DCDC2C: variants seen among roughly 807,000 people sequenced by gnomAD.
The protein encoded by DCDC2C is doublecortin domain-containing protein 2C.
A neutral mutation model predicts 45.0 loss-of-function variants in DCDC2C; 44 were observed. The ratio of observed to expected loss-of-function variants is 0.98; its 90% confidence interval spans 0.77 to 1.26. The LOEUF (loss-of-function observed/expected upper bound fraction) is 1.26, where lower values mean the gene tolerates loss of function less well. DCDC2C is among the 50% of genes most tolerant of loss of function. The pLI is 0.00. For synonymous variants in DCDC2C, 187 were observed against 178.8 expected, an observed-to-expected ratio of 1.05 and a Z score of -0.37; for missense variants, 447 against 468.9, an observed-to-expected ratio of 0.95 and a Z score of 0.43.
At chr2:3,824,555 G>A (rs1169206774) in intron 10 of DCDC2C, among the ~76,000 whole-genome samples, 1 of 152,188 alleles carries the variant, frequency 6.6e-6, no homozygotes, top group African/African-American at 2.4e-5. Flanking sequence ...AGCCTAGAGA[G>A]GAGTTTAGTT....
intron 9 of DCDC2C, among the ~76,000 whole-genome samples, chr2:3,781,158 G>A (rs922360973): frequency 1.3e-5 from 2 of 152,218 alleles, no homozygotes; most frequent in Non-Finnish European, 1.5e-5. Context: ...AAGAGCAAGC[G>A]TTTTATATGC....
intron 10 of DCDC2C, among the ~76,000 whole-genome samples, chr2:3,814,037 A>G (rs1671491131): frequency 6.6e-6 from 1 of 152,030 alleles, no homozygotes; most frequent in Non-Finnish European, 1.5e-5. Flanking sequence ...GTGTGTTTTT[A>G]TAGTGGCTGG....
chr2:3,832,082 C>T (rs899036371), intron 10 of DCDC2C, among the ~76,000 whole-genome samples: 1 of 152,178 alleles, frequency 6.6e-6, no homozygotes, highest in Non-Finnish European at 1.5e-5. Flanking sequence ...CTCTGCACAC[C>T]TGATTTCGAT....
chr2:3,721,436 C>T (rs1668502658), intron 2 of DCDC2C, among the ~76,000 whole-genome samples: 1 of 152,072 alleles, frequency 6.6e-6, no homozygotes, highest in Admixed American at 6.5e-5. Context: ...TTTCCTGATG[C>T]TAGATTCTCG....
intron 10 of DCDC2C, among the ~76,000 whole-genome samples, chr2:3,845,848 T>C (rs970171392): frequency 1.3e-5 from 2 of 152,228 alleles, no homozygotes; most frequent in African/African-American, 2.4e-5. Flanking sequence ...TGGTCTGTGC[T>C]CCACCATTTG....
intron 9 of DCDC2C, among the ~76,000 whole-genome samples, chr2:3,783,843 A>G (rs1434922200): frequency 6.6e-6 from 1 of 152,274 alleles, no homozygotes; most frequent in Non-Finnish European, 1.5e-5. Context: ...AATTATCTCC[A>G]AAGCCTTAGT....
chr2:3,829,107 G>A (rs542797551), intron 10 of DCDC2C, among the ~76,000 whole-genome samples: 3 of 152,092 alleles, frequency 2.0e-5, no homozygotes, highest in African/African-American at 4.8e-5. Context: ...GCACGGTCAC[G>A]CTGCACAGGG....
Position 3,796,276 on chromosome 2 carries a change from A to G in DCDC2C, c.1065+11176A>G, listed in dbSNP as rs1473432281. Among the ~76,000 whole-genome samples the G allele has an allele frequency of 4.4e-4, 46 of 105,078 alleles. 7 individuals carry two copies. Among genetic ancestry groups the G allele is most frequent in the Non-Finnish European group, 7.9e-4 (42 of 53,470 alleles). 68.9% of individuals were successfully genotyped at this position (105,078 alleles called of 152,430 possible). ...GCTTAAGGAGATTTTGGGCTGAGAC[A>G]ATGGGGTTTTCTAGATATACAATCA... On this transcript the variant is annotated intron_variant, in intron 10 of 10. Coordinates refer to ENST00000399143, the MANE Select transcript of DCDC2C (RefSeq NM_001287444.2).
chr2:3,841,472 T>C (rs547591432), intron 10 of DCDC2C, among the ~76,000 whole-genome samples: 2 of 151,994 alleles, frequency 1.3e-5, no homozygotes, highest in African/African-American at 2.4e-5. Context: ...TTTTTAATTC[T>C]GCACATTCTA....
At chr2:3,790,542 C>T (rs1670776072) in intron 10 of DCDC2C, among the ~76,000 whole-genome samples, 2 of 152,190 alleles carry the variant, frequency 1.3e-5, no homozygotes, top group Non-Finnish European at 2.9e-5. Context: ...CAGGATCCAG[C>T]ATTATCTCTG....
intron 10 of DCDC2C, among the ~76,000 whole-genome samples, chr2:3,817,300 T>C (rs1441752407): frequency 6.6e-6 from 1 of 152,242 alleles, no homozygotes; most frequent in Non-Finnish European, 1.5e-5. Flanking sequence ...TCATTAATGA[T>C]GGAGGACCCT....
intron 9 of DCDC2C, among the ~76,000 whole-genome samples, chr2:3,780,338 C>T (rs12475849): frequency 0.24 from 35,939 of 152,088 alleles, 4,810 homozygotes; most frequent in East Asian, 0.58. Context: ...TTGTGGTGTC[C>T]CCTGAATCCC....
intron 10 of DCDC2C, among the ~76,000 whole-genome samples, chr2:3,794,514 G>A (rs1325726585): frequency 4.7e-5 from 7 of 147,500 alleles, no homozygotes; most frequent in Admixed American, 6.7e-5. Context: ...ATCCCTCCCC[G>A]CTCCCCCCAC....
intron 10 of DCDC2C, among the ~76,000 whole-genome samples, chr2:3,820,164 A>G (rs1243104012): frequency 6.6e-6 from 1 of 152,162 alleles, no homozygotes; most frequent in African/African-American, 2.4e-5. Flanking sequence ...CCATTTGCCC[A>G]TTTTTTGACG....
At chr2:3,798,206 C>T (rs1178197470) in intron 10 of DCDC2C, among the ~76,000 whole-genome samples, 28 of 151,698 alleles carry the variant, frequency 1.8e-4, no homozygotes, top group East Asian at 5.8e-4. Flanking sequence ...TGCCTTTTTT[C>T]GTTTTCCATT....
intron 10 of DCDC2C, among the ~76,000 whole-genome samples, chr2:3,838,457 AGAGAGAG>A (rs1558249964): frequency 4.3e-5 from 6 of 139,626 alleles, no homozygotes; most frequent in Non-Finnish European, 7.8e-5. Flanking sequence ...CATGACAGAG[AGAGAGAG>A]AGAGAGAGAG....
intron 10 of DCDC2C, among the ~76,000 whole-genome samples, chr2:3,828,758 A>G (rs1003446371): frequency 6.6e-6 from 1 of 152,160 alleles, no homozygotes; most frequent in Non-Finnish European, 1.5e-5. Context: ...AAAGTCCTGG[A>G]ATTCTTGCCA....
At chr2:3,743,929 C>T (rs1429172338) in intron 4 of DCDC2C, among the ~76,000 whole-genome samples, 2 of 152,080 alleles carry the variant, frequency 1.3e-5, no homozygotes, top group African/African-American at 4.8e-5. Flanking sequence ...ATTAGCCAGG[C>T]GTGGTGGCGG....
chr2:3,712,061 C>T (rs926844292), intron 2 of DCDC2C, among the ~76,000 whole-genome samples: 15 of 152,136 alleles, frequency 9.9e-5, no homozygotes, highest in Non-Finnish European at 1.2e-4. Context: ...GTGGGACAAG[C>T]ATTTGCCTGG....
Sources: gnomAD v4.1 joint callset for allele counts (sites outside exome capture counted in the v4.1 genomes callset) on GRCh38, gnomAD v4.1.1 for gene constraint, MANE v1.5 for transcripts, NCBI Gene and HGNC (gene_info 2026-07-23, HGNC 2026-07-21) for gene names.